QRFPR: variants seen among roughly 807,000 people sequenced by gnomAD.
QRFPR encodes the protein pyroglutamylated RFamide peptide receptor, also known as pyroglutamylated RF-amide peptide receptor.
A neutral mutation model predicts 31.3 loss-of-function variants in QRFPR; 37 were observed. That is an observed-to-expected ratio of 1.18 (90% CI 0.91 to 1.56). The LOEUF (loss-of-function observed/expected upper bound fraction) is 1.56. Among genes scored for constraint, QRFPR ranks in the 40% most tolerant of loss-of-function variants. The pLI is 0.00. For synonymous variants in QRFPR, 197 were observed against 192.0 expected, an observed-to-expected ratio of 1.03 and a Z score of -0.22; for missense variants, 542 against 532.5, an observed-to-expected ratio of 1.02 and a Z score of -0.18.
At chr4:121,333,650 T>C (rs1225117427) in intron 3 of QRFPR, among the ~76,000 whole-genome samples, 1 of 152,206 alleles carries the variant, frequency 6.6e-6, no homozygotes, top group East Asian at 1.9e-4. Context: ...TATACAAATA[T>C]TCAGATTGTA....
At chr4:121,373,363 T>C (rs567900518) in intron 1 of QRFPR, among the ~76,000 whole-genome samples, 2 of 152,202 alleles carry the variant, frequency 1.3e-5, no homozygotes, top group East Asian at 1.9e-4. Flanking sequence ...TCTTTTCTTC[T>C]CAAAGTGTGC....
chr4:121,379,404 G>A (rs1229298000), intron 1 of QRFPR, among the ~76,000 whole-genome samples: 5 of 152,300 alleles, frequency 3.3e-5, no homozygotes, highest in Non-Finnish European at 5.9e-5. Context: ...CCATTTTGAT[G>A]TGGCCACAAG....
At chr4:121,372,875 G>A (rs1726278459) in intron 1 of QRFPR, among the ~76,000 whole-genome samples, 1 of 152,128 alleles carries the variant, frequency 6.6e-6, no homozygotes, top group African/African-American at 2.4e-5. Context: ...GAAAATGTAA[G>A]CTTATAGCTC....
chr4:121,356,458 A>C (rs754815520), intron 1 of QRFPR, among the ~76,000 whole-genome samples: 1 of 152,042 alleles, frequency 6.6e-6, no homozygotes, highest in Non-Finnish European at 1.5e-5. Context: ...TATTTTCTTG[A>C]TGTTTGTGAA....
intron 1 of QRFPR, among the ~76,000 whole-genome samples, chr4:121,352,716 G>C (rs1046441137): frequency 4.0e-5 from 6 of 151,876 alleles, no homozygotes; most frequent in African/African-American, 9.7e-5. Context: ...TCATTTCTTT[G>C]TGTTAGGAAC....
In QRFPR at chr4:121,357,827, A is replaced by C. The variant is rs373485385; in HGVS notation, c.341-17217T>G. 3.5e-4 allele frequency among the ~76,000 whole-genome samples: 53 copies of C among 152,314 alleles called. 1 individual carries two copies. In the East Asian group the frequency reaches 8.9e-3, roughly 26 times the overall value. ...TCACTTCAAGGTCTACGTTTCTAAC[A>C]CTGCTTCCAACTGAAGAGGTTAAGG... On this transcript the variant is annotated intron_variant, in intron 1 of 5. Coordinates refer to ENST00000394427, the MANE Select transcript of QRFPR (RefSeq NM_198179.3).
chr4:121,344,158 C>T (rs1282312929), intron 1 of QRFPR, among the ~76,000 whole-genome samples: 1 of 152,150 alleles, frequency 6.6e-6, no homozygotes, highest in Admixed American at 6.5e-5. Flanking sequence ...CATTAAAGAA[C>T]ACCTAATCTA....
chr4:121,349,021 C>G (rs1316205135), intron 1 of QRFPR, among the ~76,000 whole-genome samples: 1 of 151,950 alleles, frequency 6.6e-6, no homozygotes, highest in East Asian at 1.9e-4. Context: ...GGCGTGAACC[C>G]GGGAGGCAGA....
At position 121,329,102 on chromosome 4, in the gene QRFPR, A is replaced by ATCTCGG; in HGVS notation, c.*211_*212insCCGAGA. The ATCTCGG allele has an allele frequency of 2.2e-6, 1 of 449,152 alleles. No homozygotes were observed. Among genetic ancestry groups the ATCTCGG allele is most frequent in the Non-Finnish European group, 3.9e-6 (1 of 259,020 alleles). 27.8% of individuals were successfully genotyped at this position (449,152 alleles called of 1,614,324 possible). ...AGTCAAGTGAAGCAGTGGGAATGAG[A>ATCTCGG]AGGAACACAGAAATCTGTTAAATGA... On this transcript the variant is annotated 3_prime_UTR_variant, in exon 6 of 6. Transcript: ENST00000394427.
rs70950816 is a variant in QRFPR, at chr4:121,380,186, G to GGAGAGAGAGAGAGA, written c.340+108_340+121dup. On this transcript the variant is annotated intron_variant, in intron 1 of 5. Transcript: ENST00000394427. The stretch of plus-strand genomic sequence containing the variant: ...GAGAGAGAGACAGACAGACGAGAGA[G>GGAGAGAGAGAGAGA]GAGAGAGAGAGAGAGAGAGAGAGAG... 252 of 235,936 alleles carry GGAGAGAGAGAGAGA rather than the reference G, an allele frequency of 1.1e-3. 12 individuals carry two copies. The highest frequency in any genetic ancestry group is 3.0e-3 in the Admixed American group (27 of 9,036). The allele number at this position is 235,936 out of a possible 1,614,324, so 14.6% of individuals were successfully genotyped here. A position where few individuals can be genotyped will look rare whatever the true frequency, so the allele number is the denominator to read the frequency against.
rs2110464755 is a variant in QRFPR, at chr4:121,329,124, A to G, written c.*190T>C. 1 of 502,418 alleles carries G rather than the reference A, an allele frequency of 2.0e-6. No homozygotes were observed. The highest frequency in any genetic ancestry group is 3.4e-6 in the Non-Finnish European group (1 of 292,320). 31.1% of individuals were successfully genotyped at this position (502,418 alleles called of 1,614,324 possible). A position where few individuals can be genotyped will look rare whatever the true frequency, so the allele number is the denominator to read the frequency against. On this transcript the variant is annotated 3_prime_UTR_variant, in exon 6 of 6. Transcript: ENST00000394427. ...GAGAAGGAACACAGAAATCTGTTAA[A>G]TGATTGTGATCAATTGGTTGTAAAC...
At chr4:121,351,063 C>A (rs1052744297) in intron 1 of QRFPR, among the ~76,000 whole-genome samples, 1 of 152,136 alleles carries the variant, frequency 6.6e-6, no homozygotes, top group African/African-American at 2.4e-5. Context: ...GTGTAACAAA[C>A]CTGCACATCC....
rs1296730310 is a variant in QRFPR at position 121,380,051 on chromosome 4, G to A, written c.340+257C>T. ...TAAGCCACAAGGAGGAAGCACTGGAGGGGAATCAGAGGCGGCCAAAAGAAC... is the reference window on the plus strand; with the variant it reads ...TAAGCCACAAGGAGGAAGCACTGGAAGGGAATCAGAGGCGGCCAAAAGAAC... On this transcript the variant is annotated intron_variant, in intron 1 of 5. Transcript: ENST00000394427. Among the ~76,000 whole-genome samples the A allele has an allele frequency of 2.0e-5, 3 of 152,018 alleles. No individual in the cohort carries two copies. In the East Asian group the frequency reaches 5.8e-4, roughly 29 times the overall value.
intron 1 of QRFPR, among the ~76,000 whole-genome samples, chr4:121,365,093 C>T (rs1726066678): frequency 1.3e-5 from 2 of 149,692 alleles, no homozygotes; most frequent in African/African-American, 4.9e-5. Context: ...AAATAGCCTT[C>T]CCATAATTCT....
At chr4:121,360,248 GTTTGCCT>G (rs1725963760) in intron 1 of QRFPR, among the ~76,000 whole-genome samples, 1 of 152,076 alleles carries the variant, frequency 6.6e-6, no homozygotes, top group African/African-American at 2.4e-5. Context: ...ATGTAAAATG[GTTTGCCT>G]TTGTCATAGG....
intron 1 of QRFPR, among the ~76,000 whole-genome samples, chr4:121,345,053 T>C (rs1056315055): frequency 3.9e-5 from 6 of 152,254 alleles, no homozygotes; most frequent in Non-Finnish European, 8.8e-5. Flanking sequence ...GTATTTCTCA[T>C]ATTTTGATTT....
intron 1 of QRFPR, among the ~76,000 whole-genome samples, chr4:121,379,693 T>C (rs1342931352): frequency 6.6e-6 from 1 of 152,222 alleles, no homozygotes; most frequent in Non-Finnish European, 1.5e-5. Context: ...GTTTTCTGTG[T>C]TCCTTCTTCC....
rs370774785 is a variant in QRFPR at position 121,342,252 on chromosome 4, C to G, written c.341-1642G>C. Among the ~76,000 whole-genome samples the G allele has an allele frequency of 3.5e-4, 53 of 152,268 alleles. No individual in the cohort carries two copies. In the South Asian group the frequency reaches 0.01, roughly 30 times the overall value. ...CACACCTTCTGACTCAGACTGGGAC[C>G]TACACCAACAACTCCCTGGGTTCTC... On this transcript the variant is annotated intron_variant, in intron 1 of 5. Coordinates refer to ENST00000394427, the MANE Select transcript of QRFPR (RefSeq NM_198179.3).
rs529747335 is a variant in QRFPR, at chr4:121,348,838, C to T, written c.341-8228G>A. 2.2e-4 allele frequency among the ~76,000 whole-genome samples: 33 copies of T among 152,248 alleles called. No homozygotes were observed. The East Asian group carries it at 6.0e-3, about 28-fold the overall frequency. ...TACGGCCGGGTGCGATGGCTCATGCCTATAATCCCAGCACTTTGGGAGGCC... is the reference window on the plus strand; with the variant it reads ...TACGGCCGGGTGCGATGGCTCATGCTTATAATCCCAGCACTTTGGGAGGCC... On this transcript the variant is annotated intron_variant, in intron 1 of 5. Transcript: ENST00000394427.
Sources: allele counts gnomAD v4.1 joint callset (sites outside exome capture counted in the v4.1 genomes callset), GRCh38; gene constraint gnomAD v4.1.1; transcripts MANE v1.5; gene names NCBI Gene and HGNC (gene_info 2026-07-23, HGNC 2026-07-21).